DGKQ: variants seen among roughly 807,000 people sequenced by gnomAD.
DGKQ encodes DAG kinase theta.
Under a neutral mutation model 104.2 loss-of-function variants are expected in DGKQ, and 97 were observed. The observed-to-expected ratio is 0.93, with a 90% CI of 0.79 to 1.10. DGKQ has a LOEUF of 1.10. DGKQ is among the 50% of genes least tolerant of loss of function. The pLI is 0.00. For synonymous variants in DGKQ, 736 were observed against 595.2 expected (o/e 1.24, Z -3.44); for missense variants, 1,465 against 1,352.1 (o/e 1.08, Z -1.31).
chr4:969,716 T>C (rs1712776650), intron 2 of DGKQ, among the ~76,000 whole-genome samples: 1 of 151,848 alleles, frequency 6.6e-6, no homozygotes, highest in African/African-American at 2.4e-5. Flanking sequence ...TTCACACCAT[T>C]CTCCTGCCTC....
Position 965,294 on chromosome 4 carries a change from G to A in DGKQ, c.1619-3C>T, listed in dbSNP as rs1413121178. On this transcript the variant is annotated splice_polypyrimidine_tract_variant and splice_region_variant and intron_variant, in intron 14 of 22. Coordinates refer to ENST00000273814, the MANE Select transcript of DGKQ (RefSeq NM_001347.4). The stretch of plus-strand genomic sequence containing the variant: ...GGCAACGTCCAACACTACCGCGCCT[G>A]CGGCAGGAGCCCAGGACTCAGGGGG... The A allele has an allele frequency of 6.2e-7, 1 of 1,611,984 alleles. No homozygotes were observed. The highest frequency in any genetic ancestry group is 1.7e-5 in the Admixed American group (1 of 59,996).
chr4:961,470 G>A lies in DGKQ; in HGVS notation c.2571C>T (p.His857=). ...GCCCACTCGGCCGGCGGCTCACCAT[G>A]TGCACGACGCCCGTCACGCCCACAA... ...LEVVGVTGVV[H]MGQVQGGLRS... is the part of the protein sequence containing the mutation. The change falls in exon 21 of 23, where the codon CAC becomes CAT. Residue 857 remains histidine (H), a synonymous_variant. Transcript: ENST00000273814. 2 of 1,595,818 alleles carry A rather than the reference G, an allele frequency of 1.3e-6. No individual in the cohort carries two copies. The highest frequency in any genetic ancestry group is 2.2e-5 in the South Asian group (2 of 89,048).
chr4:961,244 C>T (rs746287958), intron 21 of DGKQ, 43 bp from the exon 22 acceptor site: 79 of 1,468,970 alleles, frequency 5.4e-5, no homozygotes, highest in Admixed American at 1.9e-4. Flanking sequence ...GGATCAGGGA[C>T]GCCCACCGCT....
intron 15 of DGKQ, among the ~76,000 whole-genome samples, chr4:963,796 C>T (rs942677111): frequency 4.6e-5 from 7 of 152,232 alleles, no homozygotes; most frequent in Non-Finnish European, 8.8e-5. Context: ...GACCACAGGA[C>T]AGAGTCCATC....
At position 961,420 on chromosome 4, in the gene DGKQ, G is replaced by A. The variant is rs769157920; in HGVS notation, c.2574+47C>T. 5.2e-5 allele frequency: 79 copies of A among 1,531,744 alleles called. 1 individual carries two copies. The highest frequency in any genetic ancestry group is 3.9e-4 in the South Asian group (33 of 84,006). 94.9% of individuals were successfully genotyped at this position (1,531,744 alleles called of 1,614,324 possible). A position where few individuals can be genotyped will look rare whatever the true frequency, so the allele number is the denominator to read the frequency against. ...AGGCCAGCTGGGCTCAGCGGGGACC[G>A]GGGACGCCCACCCTGGGCTCGCCCG... On this transcript the variant is annotated intron_variant, in intron 21 of 22. Coordinates refer to ENST00000273814, the MANE Select transcript of DGKQ (RefSeq NM_001347.4).
At chr4:973,001 C>T (rs1713054571) in intron 1 of DGKQ, among the ~76,000 whole-genome samples, 1 of 152,192 alleles carries the variant, frequency 6.6e-6, no homozygotes. Flanking sequence ...TATGGAGATG[C>T]TGTCCGCACC....
rs1335544382 is a variant in DGKQ at position 968,320 on chromosome 4, C to T, written c.625G>A (p.Val209Met). ...CACTCGCAGCGCACGCCGGCCAGCA[C>T]GTCAGAGGAGCCGCACGTCTTCCTG... Reference protein sequence around the residue: ...VCRKTCGSSDVLAGVRCEWCG... With the variant: ...VCRKTCGSSDMLAGVRCEWCG... Residue 209 changes from valine (V) to methionine (M), a missense_variant, in exon 5 of 23, where the codon GTG becomes ATG. Coordinates refer to ENST00000273814, the MANE Select transcript of DGKQ (RefSeq NM_001347.4). The T allele has an allele frequency of 4.6e-6, 7 of 1,532,328 alleles. No homozygotes were observed. Among genetic ancestry groups the T allele is most frequent in the Admixed American group, 2.0e-5 (1 of 50,276 alleles). 94.9% of individuals were successfully genotyped at this position (1,532,328 alleles called of 1,614,324 possible). A position where few individuals can be genotyped will look rare whatever the true frequency, so the allele number is the denominator to read the frequency against.
intron 17 of DGKQ, 74 bp from the exon 18 acceptor site, chr4:962,687 G>A: frequency 1.3e-6 from 2 of 1,589,690 alleles, no homozygotes; most frequent in South Asian, 1.1e-5. Context: ...CCCACCACGA[G>A]GACAGCCAGC....
chr4:969,579 G>A (rs1311137973), intron 2 of DGKQ, among the ~76,000 whole-genome samples: 1 of 152,084 alleles, frequency 6.6e-6, no homozygotes, highest in Admixed American at 6.6e-5. Flanking sequence ...ATGCCAGGAT[G>A]GCGGGTGACT....
At position 966,747 on chromosome 4, in the gene DGKQ, C is replaced by A; in HGVS notation, c.1366+1G>T. The A allele has an allele frequency of 6.2e-7, 1 of 1,607,042 alleles. No homozygotes were observed. Among genetic ancestry groups the A allele is most frequent in the Admixed American group, 1.7e-5 (1 of 59,502 alleles). ...ACGCCCAGCACGGGCTGTCTACTCA[C>A]CGTGCCTGCAGCCCATCGCCACCTC... On this transcript the variant is annotated splice_donor_variant, in intron 11 of 22. Coordinates refer to ENST00000273814, the MANE Select transcript of DGKQ (RefSeq NM_001347.4). LOFTEE classifies it high-confidence loss of function.
intron 18 of DGKQ, among the ~76,000 whole-genome samples, 172 bp downstream of exon 18, chr4:962,263 C>T (rs2153007985): frequency 6.6e-6 from 1 of 152,358 alleles, no homozygotes. Flanking sequence ...TGGCTCAGCA[C>T]AATCCCCAGC....
chr4:960,576 C>G lies in DGKQ; in HGVS notation c.*44G>C. On this transcript the variant is annotated 3_prime_UTR_variant, in exon 23 of 23. Coordinates refer to ENST00000273814, the MANE Select transcript of DGKQ (RefSeq NM_001347.4). ...CCAGACCACCTGAAAACAAGGCTGG[C>G]GGGAGCAGAGATGGCTCGAGCCCTT... 1 of 1,559,136 alleles carries G rather than the reference C, an allele frequency of 6.4e-7. No homozygotes were observed. The highest frequency in any genetic ancestry group is 1.4e-5 in the African/African-American group (1 of 74,024).
chr4:972,026 C>G (rs1560522336), intron 1 of DGKQ, among the ~76,000 whole-genome samples: 1 of 152,088 alleles, frequency 6.6e-6, no homozygotes, highest in Admixed American at 6.5e-5. Context: ...GGGGGACAGG[C>G]AGCACCCAGG....
intron 15 of DGKQ, among the ~76,000 whole-genome samples, chr4:963,704 G>A (rs1470327362): frequency 6.6e-6 from 1 of 152,064 alleles, no homozygotes; most frequent in African/African-American, 2.4e-5. Context: ...ACCTTTGGAG[G>A]ATGGCGGCTC....
chr4:966,550 C>A, intron 11 of DGKQ, 23 bp from the exon 12 acceptor site: 1 of 1,606,136 alleles, frequency 6.2e-7, no homozygotes, highest in Non-Finnish European at 8.5e-7. Flanking sequence ...GGGCACAGGC[C>A]GTCAGCACCC....
Position 967,873 on chromosome 4 carries a change from A to T in DGKQ, c.811+7T>A, listed in dbSNP as rs936510519. On this transcript the variant is annotated splice_region_variant and intron_variant, in intron 6 of 22. Transcript: ENST00000273814. ...GCCCAGGGCGCCCCGGCCGGCCCGC[A>T]CCTCACCCGGCTCCGCGGCCTCCAC... 6.8e-7 allele frequency: 1 copy of T among 1,460,150 alleles called. No homozygotes were observed. The highest frequency in any genetic ancestry group is 9.0e-7 in the Non-Finnish European group (1 of 1,112,200). The allele number at this position is 1,460,150 out of a possible 1,614,324, so 90.4% of individuals were successfully genotyped here.
chr4:961,622 GAC>G, intron 20 of DGKQ, 44 bp from the exon 21 acceptor site: 12 of 1,610,286 alleles, frequency 7.5e-6, no homozygotes, highest in Non-Finnish European at 1.0e-5. Flanking sequence ...GTGCAGGCAG[GAC>G]GAGGGCTGAG....
At chr4:964,607 C>T (rs919411580) in intron 15 of DGKQ, among the ~76,000 whole-genome samples, 10 of 152,110 alleles carry the variant, frequency 6.6e-5, no homozygotes, top group Non-Finnish European at 8.8e-5. Flanking sequence ...CCAGGTGCCC[C>T]CTCTTCTGGG....
rs780702216 is a variant in DGKQ at position 963,261 on chromosome 4, G to A, written c.1764C>T (p.Pro588=). The change falls in exon 16 of 23, where the codon CCC becomes CCT. Residue 588 remains proline (P), a synonymous_variant. Transcript: ENST00000273814. ...LHAKLPPDSC[P]LLVFVNPKSG... is the part of the protein sequence containing the mutation. ...TCTTGGGGTTCACGAACACAAGGAG[G>A]GGACAGCTGTCTGGGGGCAGCTTCG... 16 of 1,608,380 alleles carry A rather than the reference G, an allele frequency of 9.9e-6. No homozygotes were observed. In the East Asian group the frequency reaches 2.7e-4, roughly 27 times the overall value.
Sources: gnomAD v4.1 joint callset for allele counts (sites outside exome capture counted in the v4.1 genomes callset) on GRCh38, gnomAD v4.1.1 for gene constraint, MANE v1.5 for transcripts, NCBI Gene and HGNC (gene_info 2026-07-23, HGNC 2026-07-21) for gene names.